Variants in MTARC2 observed in about 807,000 individuals in gnomAD.
MTARC2 encodes MOCO sulphurase C-terminal domain containing 2.
A neutral mutation model predicts 35.6 loss-of-function variants in MTARC2; 27 were observed. The ratio of observed to expected loss-of-function variants is 0.76; its 90% confidence interval spans 0.56 to 1.04. The LOEUF (loss-of-function observed/expected upper bound fraction) is 1.04. MTARC2 is among the 50% of genes least tolerant of loss of function. MTARC2 has a pLI of 0.00. For synonymous variants in MTARC2, 158 were observed against 167.1 expected, an observed-to-expected ratio of 0.95 and a Z score of 0.42; for missense variants, 412 against 432.5, an observed-to-expected ratio of 0.95 and a Z score of 0.42.
intron 4 of MTARC2, among the ~76,000 whole-genome samples, chr1:220,771,454 C>T (rs1671742662): frequency 6.6e-6 from 1 of 152,090 alleles, no homozygotes; most frequent in Non-Finnish European, 1.5e-5. Context: ...TAGGAGCATA[C>T]ACCAGATATT....
chr1:220,765,301 G>C (rs1310018837), intron 4 of MTARC2, among the ~76,000 whole-genome samples: 1 of 152,204 alleles, frequency 6.6e-6, no homozygotes, highest in East Asian at 1.9e-4. Flanking sequence ...CAGGAGCATG[G>C]GGGTAAAGGA....
At chr1:220,763,648 T>C (rs949866221) in intron 4 of MTARC2, among the ~76,000 whole-genome samples, 3 of 152,178 alleles carry the variant, frequency 2.0e-5, no homozygotes, top group African/African-American at 7.2e-5. Flanking sequence ...GTGATATATA[T>C]ATAGCTGGGT....
intron 1 of MTARC2, among the ~76,000 whole-genome samples, chr1:220,753,308 C>A (rs1469132611): frequency 6.6e-6 from 1 of 152,124 alleles, no homozygotes; most frequent in Non-Finnish European, 1.5e-5. Context: ...CCAGTGTCAC[C>A]AGCTTTTTGG....
chr1:220,761,897 G>A (rs1420884831), intron 3 of MTARC2, 77 bp downstream of exon 3: 1 of 1,400,966 alleles, frequency 7.1e-7, no homozygotes, highest in African/African-American at 1.4e-5. Flanking sequence ...TTGATAAAGA[G>A]CCTCTCTTGG....
intron 4 of MTARC2, among the ~76,000 whole-genome samples, chr1:220,779,432 C>T (rs138888346): frequency 3.4e-4 from 52 of 152,260 alleles, no homozygotes; most frequent in Non-Finnish European, 7.1e-4. Context: ...CTCATGATAG[C>T]GCCTCCCTCA....
At chr1:220,776,940 C>A (rs1199182031) in intron 4 of MTARC2, among the ~76,000 whole-genome samples, 2 of 152,154 alleles carry the variant, frequency 1.3e-5, no homozygotes, top group Non-Finnish European at 2.9e-5. Context: ...GGCCAGGGTA[C>A]CCATTGATCC....
chr1:220,762,886 T>C, intron 3 of MTARC2, 24 bp from the exon 4 acceptor site: 1 of 1,613,634 alleles, frequency 6.2e-7, no homozygotes, highest in Non-Finnish European at 8.5e-7. Context: ...TGGTGGGGCC[T>C]GACTATCCTG....
intron 2 of MTARC2, among the ~76,000 whole-genome samples, chr1:220,757,426 G>A (rs1253524382): frequency 6.6e-6 from 1 of 152,224 alleles, no homozygotes; most frequent in Non-Finnish European, 1.5e-5. Context: ...TCGTTGCCAA[G>A]GGAACTGCTA....
rs57739324 is a variant in MTARC2 at position 220,769,934 on chromosome 1, C to CAAAAAAAAAAAA, written c.750+6896_750+6907dup. Among the ~76,000 whole-genome samples the CAAAAAAAAAAAA allele has an allele frequency of 5.9e-3, 376 of 63,346 alleles. 15 individuals are homozygous for CAAAAAAAAAAAA. Among genetic ancestry groups the CAAAAAAAAAAAA allele is most frequent in the Admixed American group, 9.3e-3 (38 of 4,094 alleles). 41.6% of individuals were successfully genotyped at this position (63,346 alleles called of 152,430 possible). On this transcript the variant is annotated intron_variant, in intron 4 of 7. Transcript: ENST00000366913. The stretch of plus-strand genomic sequence containing the variant: ...TGAAACTCCATCTCTACTAAAAATA[C>CAAAAAAAAAAAA]AAAAAAAAAAAAAAAAAAAAAAATT...
In MTARC2 at chr1:220,762,993, G is replaced by A. The variant is rs1671480309; in HGVS notation, c.693G>A (p.Met231Ile). The change falls in exon 4 of 8, where the codon ATG becomes ATA. Residue 231 changes from methionine (M) to isoleucine (I), a missense_variant. By Grantham distance (10) the Met-to-Ile change is conservative (BLOSUM62 1). Coordinates refer to ENST00000366913, the MANE Select transcript of MTARC2 (RefSeq NM_017898.5). ...TGAATACCAGGATGGAGAAGAAAAT[G>A]AAAATGGAGAATTTCAGGCCAAATA... ...VDLNTRMEKK[M>I]KMENFRPNIV... 6.2e-7 allele frequency: 1 copy of A among 1,614,198 alleles called. No individual in the cohort carries two copies. The highest frequency in any genetic ancestry group is 8.5e-7 in the Non-Finnish European group (1 of 1,180,032).
intron 4 of MTARC2, among the ~76,000 whole-genome samples, chr1:220,778,430 G>T (rs147817472): frequency 1.7e-4 from 26 of 152,156 alleles, no homozygotes; most frequent in African/African-American, 5.8e-4. Flanking sequence ...CGAAGGGGAA[G>T]TGCCAGACAC....
chr1:220,761,002 T>G (rs1489216089), intron 2 of MTARC2, among the ~76,000 whole-genome samples: 1 of 152,234 alleles, frequency 6.6e-6, no homozygotes, highest in African/African-American at 2.4e-5. Context: ...CAGAACAAAT[T>G]AAACTTATGA....
chr1:220,753,281 T>TG (rs1198659609), intron 1 of MTARC2, among the ~76,000 whole-genome samples: 1 of 150,648 alleles, frequency 6.6e-6, no homozygotes, highest in Non-Finnish European at 1.5e-5. Flanking sequence ...CTCAGTGGGG[T>TG]GGGGACTTGC....
At position 220,753,447 on chromosome 1, in the gene MTARC2, C is replaced by A. The variant is rs536677928; in HGVS notation, c.273-1500C>A. Among the ~76,000 whole-genome samples the A allele has an allele frequency of 1.6e-4, 24 of 152,312 alleles. No homozygotes were observed. In the South Asian group the frequency reaches 5.0e-3, roughly 32 times the overall value. On this transcript the variant is annotated intron_variant, in intron 1 of 7. Coordinates refer to ENST00000366913, the MANE Select transcript of MTARC2 (RefSeq NM_017898.5). Reference sequence around the variant, plus strand: ...TGCGGGGAAGGGACAGTTTAGCCAGCACCTGGAAAGGACTTTACGGATAAG... The same window carrying A: ...TGCGGGGAAGGGACAGTTTAGCCAGAACCTGGAAAGGACTTTACGGATAAG...
intron 2 of MTARC2, among the ~76,000 whole-genome samples, chr1:220,758,023 C>T (rs1209587210): frequency 2.0e-5 from 3 of 152,042 alleles, no homozygotes; most frequent in African/African-American, 4.8e-5. Context: ...CTCGCTCTGT[C>T]ACCCGGGCTG....
intron 1 of MTARC2, among the ~76,000 whole-genome samples, chr1:220,754,646 G>A (rs61229820): frequency 6.6e-6 from 1 of 152,150 alleles, no homozygotes; most frequent in Non-Finnish European, 1.5e-5. Flanking sequence ...CAAGCAGCAG[G>A]GTTGACTAAG....
chr1:220,750,250 A>G (rs1318157487), intron 1 of MTARC2, among the ~76,000 whole-genome samples: 3 of 152,244 alleles, frequency 2.0e-5, no homozygotes, highest in Non-Finnish European at 4.4e-5. Context: ...GAAAGACTTC[A>G]GGCTGTGTGG....
At chr1:220,781,999 T>A in intron 7 of MTARC2, 67 bp downstream of exon 7, 1 of 1,337,748 alleles carries the variant, frequency 7.5e-7, no homozygotes, top group Non-Finnish European at 1.0e-6. Context: ...TTGTGTTAAT[T>A]TTTTTTATGT....
intron 2 of MTARC2, among the ~76,000 whole-genome samples, chr1:220,758,371 A>T (rs1285898135): frequency 2.0e-5 from 3 of 151,354 alleles, no homozygotes; most frequent in African/African-American, 4.9e-5. Context: ...TATACTAATT[A>T]TAGACCAGTA....
Sources: gnomAD v4.1 joint callset for allele counts (sites outside exome capture counted in the v4.1 genomes callset) on GRCh38, gnomAD v4.1.1 for gene constraint, MANE v1.5 for transcripts, NCBI Gene and HGNC (gene_info 2026-07-23, HGNC 2026-07-21) for gene names.